The following SCFD2 variants were observed in gnomAD, a reference collection of about 807,000 sequenced individuals.
The protein encoded by SCFD2 is sec1 family domain-containing protein 2.
In SCFD2, 54 loss-of-function variants were observed where a neutral mutation model predicts 58.9. The ratio of observed to expected loss-of-function variants is 0.92; its 90% CI spans 0.74 to 1.15. SCFD2 has a LOEUF of 1.15. SCFD2 is among the 50% of genes most tolerant of loss of function. SCFD2 has a pLI of 0.00. For missense variants in SCFD2, 805 were observed against 836.6 expected (o/e 0.96, Z 0.47); for synonymous variants, 321 against 335.9 (o/e 0.96, Z 0.49).
At position 52,885,788 on chromosome 4, in the gene SCFD2, T is replaced by C. The variant is rs1437792237; in HGVS notation, c.1921A>G (p.Met641Val). ...AACGATGCCACAAGATCTTTGACCATTTTCACTTCAGAGACTGTGACCCCA... is the reference window on the plus strand; with the variant it reads ...AACGATGCCACAAGATCTTTGACCACTTTCACTTCAGAGACTGTGACCCCA... ...VGGVTVSEVKMVKDLVASLKP... is the reference protein window; with the variant it reads ...VGGVTVSEVKVVKDLVASLKP... Residue 641 changes from methionine (M) to valine (V), a missense_variant, in exon 8 of 9, where the codon ATG (methionine) becomes GTG (valine). Physicochemically the swap from Met to Val is conservative, Grantham distance 21 (BLOSUM62 1). Around this residue, in one of 3 missense-constraint regions of SCFD2, gnomAD observed 633 missense variants for 646.8 expected, o/e 0.98. Coordinates refer to ENST00000401642, the MANE Select transcript of SCFD2 (RefSeq NM_152540.4). The C allele has an allele frequency of 1.2e-6, 2 of 1,614,048 alleles. No individual in the cohort carries two copies. The highest frequency in any genetic ancestry group is 1.7e-5 in the Admixed American group (1 of 60,022).
At chr4:52,937,983 T>C (rs1247527412) in intron 5 of SCFD2, among the ~76,000 whole-genome samples, 1 of 152,220 alleles carries the variant, frequency 6.6e-6, no homozygotes, top group African/African-American at 2.4e-5. Context: ...CATTGATTCA[T>C]ACATTGACTC....
chr4:53,113,056 T>G (rs1725216541), intron 5 of SCFD2, among the ~76,000 whole-genome samples: 1 of 152,140 alleles, frequency 6.6e-6, no homozygotes, highest in Admixed American at 6.6e-5. Context: ...TGAGTTACTC[T>G]GTTTACTCTA....
chr4:52,902,681 C>T (rs1030120476), intron 7 of SCFD2, among the ~76,000 whole-genome samples: 1 of 152,158 alleles, frequency 6.6e-6, no homozygotes, highest in African/African-American at 2.4e-5. Flanking sequence ...GTTCTGAGTG[C>T]TTTATATGCA....
chr4:53,324,229 C>A (rs1217197136), intron 2 of SCFD2, among the ~76,000 whole-genome samples: 1 of 151,966 alleles, frequency 6.6e-6, no homozygotes, highest in Non-Finnish European at 1.5e-5. Flanking sequence ...CCAGCCTGGG[C>A]AACCTAGCAA....
chr4:53,252,456 G>T (rs1030283374), intron 4 of SCFD2, among the ~76,000 whole-genome samples: 2 of 151,400 alleles, frequency 1.3e-5, no homozygotes, highest in African/African-American at 4.9e-5. Context: ...AACAAAGCTG[G>T]AGGCATCACA....
At position 53,084,663 on chromosome 4, in the gene SCFD2, G is replaced by A. The variant is rs28810226; in HGVS notation, c.1561+60670C>T. The stretch of plus-strand genomic sequence containing the variant: ...TGCTGTGGCTCCAGCTGGTCCCTCC[G>A]TTCGGGGTCCCTGACTTCCCACAAC... On this transcript the variant is annotated intron_variant, in intron 5 of 8. Transcript: ENST00000401642. 1.7e-3 allele frequency among the ~76,000 whole-genome samples: 252 copies of A among 152,272 alleles called. 1 individual carries two copies. Among genetic ancestry groups the A allele is most frequent in the African/African-American group, 5.8e-3 (242 of 41,572 alleles).
intron 4 of SCFD2, among the ~76,000 whole-genome samples, chr4:53,261,750 A>G (rs1466028652): frequency 6.6e-6 from 1 of 152,034 alleles, no homozygotes; most frequent in East Asian, 1.9e-4. Flanking sequence ...TTGTTGTAGG[A>G]ACAATTTAAG....
intron 5 of SCFD2, among the ~76,000 whole-genome samples, chr4:53,121,079 G>C (rs1725464898): frequency 6.6e-6 from 1 of 152,200 alleles, no homozygotes; most frequent in South Asian, 2.1e-4. Context: ...TAACTGTGTG[G>C]ATCTTGAGTT....
chr4:53,076,218 A>C (rs1440208547), intron 5 of SCFD2, among the ~76,000 whole-genome samples: 2 of 152,196 alleles, frequency 1.3e-5, no homozygotes, highest in Non-Finnish European at 2.9e-5. Context: ...TGGTTATTCC[A>C]TCCCCTTTTG....
At chr4:53,147,685 G>T (rs1275169560) in intron 4 of SCFD2, among the ~76,000 whole-genome samples, 3 of 152,160 alleles carry the variant, frequency 2.0e-5, no homozygotes. Context: ...TCTAGAGCAG[G>T]GGTGTCCAAT....
chr4:53,243,680 G>T (rs1729971265), intron 4 of SCFD2, among the ~76,000 whole-genome samples: 1 of 150,644 alleles, frequency 6.6e-6, no homozygotes, highest in South Asian at 2.1e-4. Context: ...AAGGCACAAA[G>T]TAGCAAGCTG....
At chr4:53,247,867 CAA>C (rs35585900) in intron 4 of SCFD2, among the ~76,000 whole-genome samples, 860 of 54,398 alleles carry the variant, frequency 0.016, 1 homozygote, top group Middle Eastern at 0.077. Context: ...GACTCCGTCT[CAA>C]AAAAAAAAAA....
intron 5 of SCFD2, among the ~76,000 whole-genome samples, chr4:52,974,789 C>G (rs544242348): frequency 9.7e-4 from 148 of 152,116 alleles, no homozygotes; most frequent in African/African-American, 3.5e-3. Flanking sequence ...GCTACAGTAA[C>G]CAAAACAGCA....
intron 5 of SCFD2, among the ~76,000 whole-genome samples, chr4:53,047,265 T>C (rs1223679672): frequency 6.6e-6 from 1 of 151,958 alleles, no homozygotes; most frequent in African/African-American, 2.4e-5. Context: ...TTGGGCAACA[T>C]AGTGAGACCC....
chr4:53,266,062 C>T (rs549760977), intron 4 of SCFD2, among the ~76,000 whole-genome samples: 1 of 152,200 alleles, frequency 6.6e-6, no homozygotes, highest in Admixed American at 6.5e-5. Flanking sequence ...AAGCTTTTTT[C>T]TTGTGATGAC....
At chr4:53,260,613 T>C (rs1435327178) in intron 4 of SCFD2, among the ~76,000 whole-genome samples, 2 of 152,210 alleles carry the variant, frequency 1.3e-5, no homozygotes, top group Non-Finnish European at 2.9e-5. Flanking sequence ...TTTGACATGC[T>C]GGTGGACTCA....
At chr4:52,917,316 T>C (rs1719632562) in intron 6 of SCFD2, among the ~76,000 whole-genome samples, 1 of 152,168 alleles carries the variant, frequency 6.6e-6, no homozygotes, top group African/African-American at 2.4e-5. Flanking sequence ...CACAGAGACG[T>C]GAAGTTGCTT....
chr4:53,147,258 T>C (rs962637011), intron 4 of SCFD2, among the ~76,000 whole-genome samples: 1 of 152,198 alleles, frequency 6.6e-6, no homozygotes, highest in Admixed American at 6.5e-5. Flanking sequence ...GAAATACCAA[T>C]AGAAACTCTT....
chr4:53,228,893 T>C (rs1473159522), intron 4 of SCFD2, among the ~76,000 whole-genome samples: 1 of 152,184 alleles, frequency 6.6e-6, no homozygotes, highest in East Asian at 1.9e-4. Flanking sequence ...CCCAAAATCT[T>C]CTTCAGCTGA....
Sources: gnomAD v4.1 joint callset for allele counts (sites outside exome capture counted in the v4.1 genomes callset) on GRCh38, gnomAD v4.1.1 for gene constraint, gnomAD v4.1.1 regional missense constraint, MANE v1.5 for transcripts, NCBI Gene and HGNC (gene_info 2026-07-23, HGNC 2026-07-21) for gene names.